Variants in ATPAF1 observed in about 807,000 individuals in gnomAD.
The protein encoded by ATPAF1 is ATP synthase mitochondrial F1 complex assembly factor 1.
A neutral mutation model predicts 43.9 loss-of-function variants in ATPAF1; 26 were observed. That is an observed-to-expected ratio of 0.59 (90% CI 0.43 to 0.82). The LOEUF (loss-of-function observed/expected upper bound fraction) is 0.82, where lower values mean the gene tolerates loss of function less well. Among genes scored for constraint, ATPAF1 ranks in the 40% least tolerant of loss-of-function variants. ATPAF1 has a pLI of 0.00. For missense variants in ATPAF1, 366 were observed against 435.0 expected (o/e 0.84, Z 1.41); for synonymous variants, 157 against 168.0 (o/e 0.93, Z 0.50).
At chr1:46,644,402 T>C (rs573115990) in intron 7 of ATPAF1, among the ~76,000 whole-genome samples, 1 of 152,320 alleles carries the variant, frequency 6.6e-6, no homozygotes, top group Non-Finnish European at 1.5e-5. Context: ...ATAATATATA[T>C]AAAACATGTG....
intron 6 of ATPAF1, among the ~76,000 whole-genome samples, chr1:46,649,153 G>A (rs1305137616): frequency 1.2e-5 from 1 of 84,446 alleles, no homozygotes; most frequent in Admixed American, 1.8e-4. Context: ...AGCAAGCTCC[G>A]TCTCAAAAAA....
At chr1:46,643,385 A>T (rs1345187525) in intron 7 of ATPAF1, 84 bp from the exon 8 acceptor site, 1 of 1,125,626 alleles carries the variant, frequency 8.9e-7, no homozygotes, top group East Asian at 2.6e-5. Flanking sequence ...GTCTAGAGGA[A>T]ATTCTGGCTC....
In ATPAF1 at chr1:46,659,665, T is replaced by A. The variant is rs186209251; in HGVS notation, c.376-928A>T. On this transcript the variant is annotated intron_variant, in intron 2 of 8. Coordinates refer to ENST00000574428, the Ensembl canonical transcript of ATPAF1. ...CTAGTAAATCCTGTTTTGAGTAGTT[T>A]CTGGTAGTAGGGATGGGTTGTTCTG... Among the ~76,000 whole-genome samples, 34 of 152,314 alleles carry A rather than the reference T, an allele frequency of 2.2e-4. No individual in the cohort carries two copies. The East Asian group carries it at 5.2e-3, about 23-fold the overall frequency.
intron 6 of ATPAF1, 183 bp downstream of exon 6, chr1:46,652,398 T>C: frequency 1.8e-6 from 1 of 557,904 alleles, no homozygotes; most frequent in Non-Finnish European, 3.1e-6. Flanking sequence ...AATCAACGTG[T>C]GAGCATCTTT....
chr1:46,656,088 A>C (rs1369801417), intron 4 of ATPAF1, among the ~76,000 whole-genome samples: 1 of 152,234 alleles, frequency 6.6e-6, no homozygotes. Context: ...GAGGCACTTA[A>C]CCCAGGGTAG....
At chr1:46,635,580 T>C in exon 9 of ATPAF1, 1 of 561,424 alleles carries the variant, frequency 1.8e-6, no homozygotes, top group South Asian at 2.8e-5. Flanking sequence ...GAGATAATTA[T>C]CAGAATGTTC....
intron 6 of ATPAF1, among the ~76,000 whole-genome samples, chr1:46,651,569 C>T (rs1424635557): frequency 1.7e-4 from 26 of 152,048 alleles, no homozygotes; most frequent in African/African-American, 5.1e-4. Context: ...CCTGAGGAAT[C>T]GCCACACTGA....
rs189974820 is a variant in ATPAF1, at chr1:46,637,475, T to C, written c.793-1505A>G. Among the ~76,000 whole-genome samples the C allele has an allele frequency of 2.0e-5, 3 of 152,332 alleles. No individual in the cohort carries two copies. The East Asian group carries it at 5.8e-4, about 29-fold the overall frequency. ...GAGTCACCTCAGACAACTCTTACTT[T>C]TGCTATACATTCTGCAGTTCTAGTC... On this transcript the variant is annotated intron_variant, in intron 8 of 8. Coordinates refer to ENST00000574428, the Ensembl canonical transcript of ATPAF1.
At position 46,652,409 on chromosome 1, in the gene ATPAF1, A is replaced by C. The variant is rs906802875; in HGVS notation, c.588+172T>G. 3.4e-5 allele frequency: 20 copies of C among 588,216 alleles called. No individual in the cohort carries two copies. In the African/African-American group the frequency reaches 4.0e-4, roughly 12 times the overall value. 36.4% of individuals were successfully genotyped at this position (588,216 alleles called of 1,614,324 possible). On this transcript the variant is annotated intron_variant, in intron 6 of 8. Coordinates refer to ENST00000574428, the Ensembl canonical transcript of ATPAF1. ...GTACAATCAACGTGTGAGCATCTTT[A>C]TTAAGTAAACAGAGCACTATAACTT...
At position 46,636,287 on chromosome 1, in the gene ATPAF1, T is replaced by C. The variant is rs952699047; in HGVS notation, c.793-317A>G. On this transcript the variant is annotated intron_variant, in intron 8 of 8. Coordinates refer to ENST00000574428, the Ensembl canonical transcript of ATPAF1. ...TCTCTGCAGAGTGACATCTGGTGAATGTTTACTGAATAAATTAATGTACAT... is the reference window on the plus strand; with the variant it reads ...TCTCTGCAGAGTGACATCTGGTGAACGTTTACTGAATAAATTAATGTACAT... The C allele has an allele frequency of 3.7e-5, 16 of 430,156 alleles. No individual in the cohort carries two copies. In the Admixed American group the frequency reaches 5.3e-4, roughly 14 times the overall value. 26.6% of individuals were successfully genotyped at this position (430,156 alleles called of 1,614,324 possible). A position where few individuals can be genotyped will look rare whatever the true frequency, so the allele number is the denominator to read the frequency against.
At chr1:46,640,787 C>G (rs1675936330) in intron 8 of ATPAF1, among the ~76,000 whole-genome samples, 1 of 152,238 alleles carries the variant, frequency 6.6e-6, no homozygotes, top group African/African-American at 2.4e-5. Flanking sequence ...TCCTAGACAA[C>G]AATTTTGTAC....
chr1:46,662,615 C>T (rs1179214951), intron 2 of ATPAF1, among the ~76,000 whole-genome samples: 2 of 151,924 alleles, frequency 1.3e-5, no homozygotes, highest in African/African-American at 2.4e-5. Flanking sequence ...TTAGTAGATA[C>T]AGGGTTTCAC....
rs142490398 is a variant in ATPAF1 at position 46,637,140 on chromosome 1, G to C, written c.793-1170C>G. The stretch of plus-strand genomic sequence containing the variant: ...ATTTATAACTAATACATCAGCAAAG[G>C]CCCAGGGAAGAGAAGGGCAGTAGCA... On this transcript the variant is annotated intron_variant, in intron 8 of 8. Coordinates refer to ENST00000574428, the Ensembl canonical transcript of ATPAF1. Among the ~76,000 whole-genome samples the C allele has an allele frequency of 2.6e-5, 4 of 152,292 alleles. No individual in the cohort carries two copies. The East Asian group carries it at 7.7e-4, about 29-fold the overall frequency.
intron 6 of ATPAF1, among the ~76,000 whole-genome samples, chr1:46,649,724 G>A (rs1676127317): frequency 1.3e-5 from 2 of 152,114 alleles, no homozygotes; most frequent in African/African-American, 4.8e-5. Flanking sequence ...AGGAATTTGA[G>A]ACCAGCCTGG....
chr1:46,658,468 AGAG>A (rs1296124146), intron 3 of ATPAF1, among the ~76,000 whole-genome samples: 1 of 152,192 alleles, frequency 6.6e-6, no homozygotes, highest in East Asian at 1.9e-4. Flanking sequence ...GCAGCTGGTA[AGAG>A]GAGAAAGTTT....
At chr1:46,644,632 T>C (rs1676005985) in intron 7 of ATPAF1, among the ~76,000 whole-genome samples, 1 of 152,198 alleles carries the variant, frequency 6.6e-6, no homozygotes, top group Non-Finnish European at 1.5e-5. Flanking sequence ...ATATTGACTT[T>C]TATTTTAAAA....
At chr1:46,633,815 A>G (rs778705709), downstream of ATPAF1, 1 of 456,306 alleles carries the variant, frequency 2.2e-6, no homozygotes, top group South Asian at 1.5e-5. Context: ...TGTATGGCTA[A>G]TAACTGGGCC....
At chr1:46,668,473 C>T, upstream of ATPAF1, 1 of 566,060 alleles carries the variant, frequency 1.8e-6, no homozygotes, top group African/African-American at 2.1e-5. The surrounding 1 kb of genome is among the most constrained non-coding windows in gnomAD (Gnocchi z 4.4). Context: ...AGCGGCGAGG[C>T]GGGGCGGGGA....
chr1:46,655,823 CTA>C (rs1306284558), intron 4 of ATPAF1, among the ~76,000 whole-genome samples: 1 of 152,080 alleles, frequency 6.6e-6, no homozygotes, highest in African/African-American at 2.4e-5. Flanking sequence ...AGAAGTTTTC[CTA>C]TGAGCTGCTT....
Sources: allele counts gnomAD v4.1 joint callset (sites outside exome capture counted in the v4.1 genomes callset), GRCh38; gene constraint gnomAD v4.1.1; non-coding constraint Gnocchi (gnomAD v3.1); transcripts MANE v1.5; gene names NCBI Gene and HGNC (gene_info 2026-07-23, HGNC 2026-07-21).